Variants in ECT2L observed in about 807,000 individuals in gnomAD.
ECT2L encodes the protein epithelial cell-transforming sequence 2 oncogene-like.
A neutral mutation model predicts 122.8 loss-of-function variants in ECT2L; 126 were observed. The ratio of observed to expected loss-of-function variants is 1.03; its 90% CI spans 0.89 to 1.19. ECT2L has a LOEUF of 1.19. Ranked by LOEUF, ECT2L falls within the 50% of genes most tolerant of loss-of-function variation. The pLI is 0.00. For missense variants in ECT2L, 1,012 were observed against 1,064.1 expected (o/e 0.95, Z 0.68); for synonymous variants, 385 against 381.8 (o/e 1.01, Z -0.10).
At chr6:138,821,127 A>C (rs1345978262) in intron 4 of ECT2L, among the ~76,000 whole-genome samples, 1 of 152,208 alleles carries the variant, frequency 6.6e-6, no homozygotes, top group Non-Finnish European at 1.5e-5. Context: ...AGACCACATG[A>C]GCTGTCTCGT....
chr6:138,882,616 T>C (rs1778679709), intron 15 of ECT2L, 108 bp from the exon 16 acceptor site: 2 of 1,343,502 alleles, frequency 1.5e-6, no homozygotes, highest in Admixed American at 4.8e-5. Flanking sequence ...ACCAAAACCC[T>C]ACCGTAAAGG....
At chr6:138,817,785 T>C (rs1040124820) in intron 4 of ECT2L, among the ~76,000 whole-genome samples, 1 of 152,210 alleles carries the variant, frequency 6.6e-6, no homozygotes, top group Non-Finnish European at 1.5e-5. Context: ...CAAACTAAAA[T>C]GTCCCTTCTC....
chr6:138,881,225 C>T (rs1778636323), intron 15 of ECT2L, 54 bp downstream of exon 15: 1 of 1,527,030 alleles, frequency 6.5e-7, no homozygotes, highest in East Asian at 2.4e-5. Context: ...GAGAAGAGCC[C>T]ATGCTTTATT....
intron 13 of ECT2L, among the ~76,000 whole-genome samples, chr6:138,874,919 C>G (rs977829359): frequency 2.4e-4 from 37 of 151,726 alleles, no homozygotes; most frequent in African/African-American, 9.0e-4. Context: ...GACCTTGTCT[C>G]TAAAAAAAAA....
chr6:138,847,839 C>T (rs1031083231), intron 8 of ECT2L, among the ~76,000 whole-genome samples: 4 of 152,140 alleles, frequency 2.6e-5, no homozygotes, highest in South Asian at 4.2e-4. Flanking sequence ...CATTTGTGAG[C>T]GTGTGTATTA....
At chr6:138,893,411 A>AT (rs139721982) in intron 20 of ECT2L, among the ~76,000 whole-genome samples, 19,627 of 149,720 alleles carry the variant, frequency 0.13, 1,372 homozygotes, top group Non-Finnish European at 0.16. Flanking sequence ...GAATATATAT[A>AT]TATTTTTTTA....
chr6:138,884,185 T>C (rs145242510), intron 16 of ECT2L, among the ~76,000 whole-genome samples: 147 of 152,306 alleles, frequency 9.7e-4, no homozygotes, highest in African/African-American at 3.0e-3. Context: ...ATTAATATGA[T>C]TGAAATCCAT....
At chr6:138,830,797 T>C (rs925648194) in intron 4 of ECT2L, among the ~76,000 whole-genome samples, 2 of 152,194 alleles carry the variant, frequency 1.3e-5, no homozygotes, top group Admixed American at 6.5e-5. Context: ...TGGGCATTCC[T>C]CCAGCCTGTG....
intron 4 of ECT2L, among the ~76,000 whole-genome samples, chr6:138,822,247 GAC>G (rs1776290835): frequency 6.6e-6 from 1 of 152,200 alleles, no homozygotes; most frequent in Non-Finnish European, 1.5e-5. Context: ...CAGTAATAGA[GAC>G]AGACATTACA....
At chr6:138,862,461 G>T (rs9495274) in intron 10 of ECT2L, among the ~76,000 whole-genome samples, 166 bp from the exon 11 acceptor site, 5,945 of 152,156 alleles carry the variant, frequency 0.039, 397 homozygotes, top group African/African-American at 0.13. Flanking sequence ...GATGGCACTA[G>T]TTATTCATGA....
intron 9 of ECT2L, 37 bp downstream of exon 9, chr6:138,849,471 C>T (rs1777354886): frequency 6.4e-7 from 1 of 1,574,338 alleles, no homozygotes; most frequent in Non-Finnish European, 8.6e-7. Flanking sequence ...AACCATGGAA[C>T]TTCGCGCTGT....
chr6:138,814,466 T>C (rs1187991305), intron 3 of ECT2L, 25 bp from the exon 4 acceptor site: 1 of 1,462,902 alleles, frequency 6.8e-7, no homozygotes, highest in Non-Finnish European at 9.5e-7. Context: ...ACAGCAAATG[T>C]CACTTCCTCC....
intron 15 of ECT2L, among the ~76,000 whole-genome samples, chr6:138,882,349 G>A (rs1394751084): frequency 6.6e-6 from 1 of 152,206 alleles, no homozygotes; most frequent in African/African-American, 2.4e-5. Context: ...GAGCTAAGCA[G>A]AGGCTATGGC....
intron 4 of ECT2L, among the ~76,000 whole-genome samples, chr6:138,822,548 C>A (rs1379270924): frequency 7.0e-6 from 1 of 143,144 alleles, no homozygotes; most frequent in Non-Finnish European, 1.5e-5. Context: ...GAGCCAGAGA[C>A]CCTGTCATAA....
At chr6:138,849,582 T>C in intron 9 of ECT2L, 148 bp downstream of exon 9, 2 of 880,888 alleles carry the variant, frequency 2.3e-6, no homozygotes, top group Admixed American at 3.3e-5. Context: ...GCTTTTTTTT[T>C]TTTTTTTTAA....
chr6:138,833,785 G>T (rs1460513513), intron 4 of ECT2L, among the ~76,000 whole-genome samples: 1 of 151,272 alleles, frequency 6.6e-6, no homozygotes, highest in Non-Finnish European at 1.5e-5. Context: ...CTGGGTGACA[G>T]AGCAAGACTC....
In ECT2L at chr6:138,862,738, GAGCGCCACGTCCAATAACACAA is replaced by G. The variant is rs1444693488; in HGVS notation, c.1291+20_1291+41del. On this transcript the variant is annotated intron_variant, in intron 11 of 21. Coordinates refer to ENST00000541398, the MANE Select transcript of ECT2L (RefSeq NM_001077706.3). ...CAGCACAGTAAGTGTTATGGGAGCT[GAGCGCCACGTCCAATAACACAA>G]GCCAACTCCAGAATCACCAAAAGAC... 1.9e-6 allele frequency: 3 copies of G among 1,606,866 alleles called. No individual in the cohort carries two copies. The African/African-American group carries it at 4.0e-5, about 21-fold the overall frequency.
intron 5 of ECT2L, among the ~76,000 whole-genome samples, chr6:138,841,774 G>A (rs1777048162): frequency 1.3e-5 from 2 of 152,244 alleles, no homozygotes; most frequent in Non-Finnish European, 2.9e-5. Context: ...AGTCCTTATT[G>A]CATTGATAGC....
At chr6:138,834,982 A>C (rs1486486506) in intron 4 of ECT2L, among the ~76,000 whole-genome samples, 1 of 151,654 alleles carries the variant, frequency 6.6e-6, no homozygotes, top group African/African-American at 2.4e-5. Context: ...GCCTGCCAAC[A>C]GGTTCATTTT....
Sources: allele counts gnomAD v4.1 joint callset (sites outside exome capture counted in the v4.1 genomes callset), GRCh38; gene constraint gnomAD v4.1.1; transcripts MANE v1.5; gene names NCBI Gene and HGNC (gene_info 2026-07-23, HGNC 2026-07-21).